The following COL9A1 variants were observed in gnomAD, a reference collection of about 807,000 sequenced individuals.
The protein encoded by COL9A1 is collagen alpha-1(IX) chain.
COL9A1 carries 104 observed loss-of-function variants against 142.6 expected under a neutral mutation model. The observed-to-expected ratio is 0.73, with a 90% CI of 0.62 to 0.86. COL9A1 has a LOEUF of 0.86. Ranked by LOEUF, COL9A1 falls within the 40% of genes least tolerant of loss-of-function variation. COL9A1 has a pLI of 0.00. For missense variants in COL9A1, 1,210 were observed against 1,176.6 expected (o/e 1.03, Z -0.42); for synonymous variants, 466 against 396.0 (o/e 1.18, Z -2.10).
chr6:70,282,203 T>TA (rs1773207505), intron 7 of COL9A1, among the ~76,000 whole-genome samples: 1 of 152,220 alleles, frequency 6.6e-6, no homozygotes, highest in East Asian at 1.9e-4. Context: ...GGGCTGTTTT[T>TA]ACCCTTCTGA....
intron 33 of COL9A1, among the ~76,000 whole-genome samples, chr6:70,235,379 G>C (rs1220587056): frequency 1.3e-5 from 2 of 152,122 alleles, no homozygotes; most frequent in African/African-American, 2.4e-5. Flanking sequence ...CTTGAACCCA[G>C]GAGGTGGAGG....
chr6:70,277,788 A>G (rs1329612474), intron 10 of COL9A1, among the ~76,000 whole-genome samples: 3 of 152,178 alleles, frequency 2.0e-5, no homozygotes, highest in African/African-American at 7.2e-5. Context: ...CATCCAATTA[A>G]CCATTTTTTA....
chr6:70,224,710 G>A (rs1769118044), intron 37 of COL9A1, among the ~76,000 whole-genome samples: 1 of 152,162 alleles, frequency 6.6e-6, no homozygotes, highest in Middle Eastern at 3.4e-3. Context: ...ACCCATCAAT[G>A]AATCCAAGCT....
In COL9A1 at chr6:70,282,886, C is replaced by T. The variant is rs201713797; in HGVS notation, c.801+12G>A. Reference sequence around the variant, plus strand: ...GCTTGAAAAATGCAAACACTCCCTGCCCCCAACTTACCTCGTCGGTGGTCT... The same window carrying T: ...GCTTGAAAAATGCAAACACTCCCTGTCCCCAACTTACCTCGTCGGTGGTCT... On this transcript the variant is annotated intron_variant, in intron 7 of 37. Transcript: ENST00000357250. The T allele has an allele frequency of 6.8e-6, 11 of 1,614,162 alleles. No homozygotes were observed. The highest frequency in any genetic ancestry group is 1.7e-4 in the Middle Eastern group (1 of 6,058).
chr6:70,249,717 A>T (rs1223550101), intron 28 of COL9A1, among the ~76,000 whole-genome samples: 3 of 152,136 alleles, frequency 2.0e-5, no homozygotes, highest in African/African-American at 7.2e-5. Context: ...CTCAGATCCA[A>T]AACCCTGCAT....
intron 29 of COL9A1, 93 bp downstream of exon 29, chr6:70,242,569 G>C: frequency 9.4e-7 from 1 of 1,068,306 alleles, no homozygotes; most frequent in Admixed American, 1.7e-5. Flanking sequence ...TCAAGTACAG[G>C]TAATTCAATT....
chr6:70,267,319 G>GTTTTTTTTT (rs1050364230), intron 17 of COL9A1, among the ~76,000 whole-genome samples: 2,016 of 98,802 alleles, frequency 0.02, 79 homozygotes, highest in East Asian at 0.056. Flanking sequence ...TGTTTGTTTG[G>GTTTTTTTTT]TTTTTTTGTT....
At chr6:70,289,452 TC>T (rs2127602622) in intron 5 of COL9A1, among the ~76,000 whole-genome samples, 1 of 152,262 alleles carries the variant, frequency 6.6e-6, no homozygotes, top group East Asian at 1.9e-4. Context: ...TGTCACCAGC[TC>T]TAGTTCTGTG....
chr6:70,270,698 A>G (rs754726946), intron 14 of COL9A1, among the ~76,000 whole-genome samples: 4 of 152,222 alleles, frequency 2.6e-5, no homozygotes, highest in Non-Finnish European at 5.9e-5. Context: ...TGATTTACAG[A>G]GGACCTAGAG....
intron 14 of COL9A1, 61 bp downstream of exon 14, chr6:70,271,594 T>C (rs189591063): frequency 1.3e-6 from 2 of 1,501,012 alleles, no homozygotes; most frequent in East Asian, 4.5e-5. Flanking sequence ...TAATTTGCTT[T>C]CCCAAATAAC....
chr6:70,270,110 T>C (rs1163493009), intron 15 of COL9A1, among the ~76,000 whole-genome samples: 1 of 152,250 alleles, frequency 6.6e-6, no homozygotes, highest in Non-Finnish European at 1.5e-5. Flanking sequence ...ATATACCCTA[T>C]AAAAACCACC....
At chr6:70,277,335 C>A (rs1772833615) in intron 10 of COL9A1, among the ~76,000 whole-genome samples, 1 of 150,908 alleles carries the variant, frequency 6.6e-6, no homozygotes, top group African/African-American at 2.4e-5. Flanking sequence ...TTTTACATGT[C>A]CATAAGCCAA....
At chr6:70,260,736 A>T (rs1418644045) in intron 19 of COL9A1, 26 bp from the exon 20 acceptor site, 1 of 1,612,056 alleles carries the variant, frequency 6.2e-7, no homozygotes, top group South Asian at 1.1e-5. Context: ...AGAGAAGTGA[A>T]TTATTTTAGT....
At chr6:70,256,509 G>T (rs1771306110) in intron 21 of COL9A1, among the ~76,000 whole-genome samples, 1 of 151,856 alleles carries the variant, frequency 6.6e-6, no homozygotes, top group Non-Finnish European at 1.5e-5. Flanking sequence ...AATAACCAAA[G>T]AAAAGGAAAA....
rs879127590 is a variant in COL9A1 at position 70,240,594 on chromosome 6, T to C, written c.2079+95A>G. On this transcript the variant is annotated intron_variant, in intron 32 of 37. Coordinates refer to ENST00000357250, the MANE Select transcript of COL9A1 (RefSeq NM_001851.6). ...GAAAATAAGAATATATATATATATATACCAATTTTGAACTGTGTTAGAAGT... is the reference window on the plus strand; with the variant it reads ...GAAAATAAGAATATATATATATATACACCAATTTTGAACTGTGTTAGAAGT... The C allele has an allele frequency of 4.1e-3, 2,631 of 643,032 alleles. 23 individuals are homozygous for C. The highest frequency in any genetic ancestry group is 7.2e-3 in the South Asian group (326 of 45,106). 39.8% of individuals were successfully genotyped at this position (643,032 alleles called of 1,614,324 possible).
Position 70,279,913 on chromosome 6 carries a change from G to C in COL9A1, c.975+899C>G, listed in dbSNP as rs982074710. 5 of 545,972 alleles carry C rather than the reference G, an allele frequency of 9.2e-6. No individual in the cohort carries two copies. In the African/African-American group the frequency reaches 9.6e-5, roughly 10 times the overall value. 33.8% of individuals were successfully genotyped at this position (545,972 alleles called of 1,614,324 possible). ...TAGTTTTTGGAAAACACATAAAGTGGTAACTTGAAGAGTAACTTGAGTGAT... is the reference window on the plus strand; with the variant it reads ...TAGTTTTTGGAAAACACATAAAGTGCTAACTTGAAGAGTAACTTGAGTGAT... On this transcript the variant is annotated intron_variant, in intron 10 of 37. Transcript: ENST00000357250.
chr6:70,274,159 A>G, intron 11 of COL9A1, 77 bp from the exon 12 acceptor site: 1 of 1,232,566 alleles, frequency 8.1e-7, no homozygotes, highest in South Asian at 1.4e-5. Context: ...ATAAATATTG[A>G]AAGCATTAAA....
intron 10 of COL9A1, among the ~76,000 whole-genome samples, chr6:70,278,548 A>T (rs1426809048): frequency 6.6e-6 from 1 of 152,208 alleles, no homozygotes; most frequent in Non-Finnish European, 1.5e-5. Flanking sequence ...AATGCCTAAA[A>T]TACTGGCAGA....
At chr6:70,289,877 T>G (rs1394768137) in intron 5 of COL9A1, among the ~76,000 whole-genome samples, 1 of 152,188 alleles carries the variant, frequency 6.6e-6, no homozygotes, top group Non-Finnish European at 1.5e-5. Flanking sequence ...TTCATGAAAC[T>G]TATATTGTTT....
Sources: allele counts gnomAD v4.1 joint callset (sites outside exome capture counted in the v4.1 genomes callset), GRCh38; gene constraint gnomAD v4.1.1; transcripts MANE v1.5; gene names NCBI Gene and HGNC (gene_info 2026-07-23, HGNC 2026-07-21).